PDE4D: variants seen among roughly 807,000 people sequenced by gnomAD.
PDE4D encodes phosphodiesterase 4D, also known as 3',5'-cyclic-AMP phosphodiesterase 4D.
Under a neutral mutation model 87.4 loss-of-function variants are expected in PDE4D, and 24 were observed. The observed-to-expected ratio is 0.27, with a 90% CI of 0.20 to 0.39. The LOEUF is 0.39. Among genes scored for constraint, PDE4D ranks in the 10% least tolerant of loss-of-function variants. The pLI is 1.00. For synonymous variants in PDE4D, 384 were observed against 383.2 expected (o/e 1.00, Z -0.02); for missense variants, 714 against 1,041.0 (o/e 0.69, Z 4.32).
At chr5:59,642,612 C>G (rs1432134067) in intron 1 of PDE4D, among the ~76,000 whole-genome samples, 2 of 152,182 alleles carry the variant, frequency 1.3e-5, no homozygotes, top group Non-Finnish European at 2.9e-5. Flanking sequence ...TAAGAAGTGT[C>G]TTTCACCTCC....
chr5:59,097,024 A>G (rs1003360771), intron 5 of PDE4D, among the ~76,000 whole-genome samples: 1 of 152,220 alleles, frequency 6.6e-6, no homozygotes, highest in African/African-American at 2.4e-5. Flanking sequence ...TGGAAGAAAC[A>G]AAGCTGGCTA....
intron 1 of PDE4D, among the ~76,000 whole-genome samples, chr5:59,554,024 G>A (rs1818514069): frequency 6.6e-6 from 1 of 152,028 alleles, no homozygotes; most frequent in African/African-American, 2.4e-5. Flanking sequence ...TCTTCCTCAG[G>A]GCAGCCCTAA....
chr5:59,350,667 C>T (rs751341908), intron 1 of PDE4D, among the ~76,000 whole-genome samples: 4 of 152,160 alleles, frequency 2.6e-5, no homozygotes, highest in African/African-American at 4.8e-5. Flanking sequence ...AAAATTGCTG[C>T]CATGTGGAGC....
Position 59,761,977 on chromosome 5 carries a change from T to C in PDE4D, c.455+131191A>G, listed in dbSNP as rs148132636. Among the ~76,000 whole-genome samples the C allele has an allele frequency of 3.5e-3, 537 of 152,208 alleles. 5 individuals carry two copies. Among genetic ancestry groups the C allele is most frequent in the African/African-American group, 0.013 (524 of 41,526 alleles). ...TTAATGCATTGTGCTATGACTTCACTAGGTGATTGGAATTTTTCTGGTCCG... is the reference window on the plus strand; with the variant it reads ...TTAATGCATTGTGCTATGACTTCACCAGGTGATTGGAATTTTTCTGGTCCG... On this transcript the variant is annotated intron_variant, in intron 1 of 14. Coordinates refer to ENST00000340635, the MANE Select transcript of PDE4D (RefSeq NM_001104631.2).
intron 1 of PDE4D, among the ~76,000 whole-genome samples, chr5:59,857,408 C>T (rs948790735): frequency 6.6e-6 from 1 of 152,120 alleles, no homozygotes; most frequent in African/African-American, 2.4e-5. Context: ...TTTCAAGATG[C>T]TAGCTCCCAG....
At chr5:60,370,326 T>C (rs1024134840) in intron 1 of PDE4D, among the ~76,000 whole-genome samples, 2 of 152,214 alleles carry the variant, frequency 1.3e-5, no homozygotes, top group African/African-American at 2.4e-5. Context: ...GTCTCTTTGG[T>C]ATGCGCTATA....
intron 5 of PDE4D, among the ~76,000 whole-genome samples, chr5:59,148,745 A>C (rs1400342117): frequency 7.1e-6 from 1 of 141,016 alleles, no homozygotes; most frequent in East Asian, 2.1e-4. Flanking sequence ...CCAAAATAAA[A>C]TATATAGCGG....
At chr5:60,016,468 A>C (rs921099264) in intron 2 of PDE4D, among the ~76,000 whole-genome samples, 22 of 151,910 alleles carry the variant, frequency 1.4e-4, no homozygotes, top group African/African-American at 5.3e-4. Flanking sequence ...ACATCCATTG[A>C]CTCTTCCTTT....
intron 2 of PDE4D, among the ~76,000 whole-genome samples, chr5:60,146,543 T>C (rs1375017470): frequency 6.6e-6 from 1 of 152,216 alleles, no homozygotes; most frequent in Non-Finnish European, 1.5e-5. Context: ...CAGGTAATCA[T>C]TGATCCCTTC....
chr5:59,845,655 G>A (rs1186258776), intron 1 of PDE4D, among the ~76,000 whole-genome samples: 2 of 152,054 alleles, frequency 1.3e-5, no homozygotes, highest in African/African-American at 2.4e-5. Context: ...AACATTTAAT[G>A]TATTGTCTGA....
At chr5:59,916,063 C>A (rs1243100711) in intron 3 of PDE4D, among the ~76,000 whole-genome samples, 1 of 152,140 alleles carries the variant, frequency 6.6e-6, no homozygotes, top group Admixed American at 6.5e-5. Context: ...ACTCATCACA[C>A]CACACAAACC....
intron 1 of PDE4D, among the ~76,000 whole-genome samples, chr5:59,711,905 T>G (rs1258397075): frequency 4.6e-5 from 7 of 152,094 alleles, no homozygotes; most frequent in Non-Finnish European, 1.0e-4. Context: ...CCAATGACAT[T>G]TGTGCTTATT....
At chr5:60,084,283 T>C (rs1774291723) in intron 2 of PDE4D, among the ~76,000 whole-genome samples, 2 of 152,254 alleles carry the variant, frequency 1.3e-5, no homozygotes, top group African/African-American at 4.8e-5. Flanking sequence ...TCTTTTATAA[T>C]TGTAACTGAA....
chr5:59,927,577 G>A (rs1755430742), intron 3 of PDE4D, among the ~76,000 whole-genome samples: 1 of 152,112 alleles, frequency 6.6e-6, no homozygotes, highest in African/African-American at 2.4e-5. Context: ...CTTGGAACTT[G>A]GTATTTTTTT....
chr5:59,236,106 G>T (rs968363315), intron 1 of PDE4D, among the ~76,000 whole-genome samples: 2 of 152,120 alleles, frequency 1.3e-5, no homozygotes, highest in African/African-American at 2.4e-5. Flanking sequence ...TAATTATCTT[G>T]TCACCCAAGT....
intron 1 of PDE4D, among the ~76,000 whole-genome samples, chr5:59,602,676 G>C (rs1827678896): frequency 6.6e-6 from 1 of 151,796 alleles, no homozygotes; most frequent in Non-Finnish European, 1.5e-5. Context: ...CACAGAAACA[G>C]AAAAAAACAA....
chr5:59,953,543 T>C (rs1392525235), intron 3 of PDE4D, among the ~76,000 whole-genome samples: 3 of 152,198 alleles, frequency 2.0e-5, no homozygotes, highest in Non-Finnish European at 4.4e-5. Context: ...GCACTCCTAA[T>C]GCCTCAGTTA....
chr5:60,352,330 T>A (rs746675201), intron 1 of PDE4D, among the ~76,000 whole-genome samples: 2 of 152,166 alleles, frequency 1.3e-5, no homozygotes, highest in Non-Finnish European at 1.5e-5. Flanking sequence ...CTGACTAGGA[T>A]GCACAGTCCT....
intron 5 of PDE4D, among the ~76,000 whole-genome samples, chr5:59,142,411 T>A (rs895984673): frequency 2.0e-5 from 3 of 152,326 alleles, no homozygotes; most frequent in African/African-American, 7.2e-5. Context: ...TTTACAATAA[T>A]CCCCAACACT....
Sources: allele counts gnomAD v4.1 joint callset (sites outside exome capture counted in the v4.1 genomes callset), GRCh38; gene constraint gnomAD v4.1.1; transcripts MANE v1.5; gene names NCBI Gene and HGNC (gene_info 2026-07-23, HGNC 2026-07-21).